TYW1: variants seen among roughly 807,000 people sequenced by gnomAD.
The protein encoded by TYW1 is S-adenosyl-L-methionine-dependent tRNA 4-demethylwyosine synthase TYW1.
In TYW1, 46 loss-of-function variants were observed where a neutral mutation model predicts 96.2. That is an observed-to-expected ratio of 0.48 (90% confidence interval 0.38 to 0.61). The LOEUF (loss-of-function observed/expected upper bound fraction) is 0.61, where lower values mean the gene tolerates loss of function less well. TYW1 is among the 20% of genes least tolerant of loss of function. The pLI is 0.00. For synonymous variants in TYW1, 274 were observed against 323.0 expected (o/e 0.85, Z 1.63); for missense variants, 684 against 909.6 (o/e 0.75, Z 3.19).
At chr7:67,070,097 G>T (rs13309258) in intron 10 of TYW1, among the ~76,000 whole-genome samples, 1 of 152,168 alleles carries the variant, frequency 6.6e-6, no homozygotes, top group Non-Finnish European at 1.5e-5. Flanking sequence ...GAAATTGGCT[G>T]TTAATTTTAC....
At chr7:67,124,142 A>C (rs1797845542) in intron 13 of TYW1, among the ~76,000 whole-genome samples, 3 of 152,234 alleles carry the variant, frequency 2.0e-5, no homozygotes, top group African/African-American at 7.2e-5. Context: ...AAAGGTAAAC[A>C]GTTACTATAC....
chr7:67,012,857 T>C (rs367866316), intron 4 of TYW1, among the ~76,000 whole-genome samples: 2 of 151,668 alleles, frequency 1.3e-5, no homozygotes, highest in Non-Finnish European at 1.5e-5. Flanking sequence ...AGACTTGATA[T>C]ATCCCCAAGG....
intron 15 of TYW1, among the ~76,000 whole-genome samples, chr7:67,235,924 G>A (rs1801872864): frequency 7.1e-6 from 1 of 141,204 alleles, no homozygotes; most frequent in Non-Finnish European, 1.5e-5. Flanking sequence ...AAAGAGGTGA[G>A]GAAGAAAGAC....
chr7:67,182,962 A>G (rs1799885900), intron 13 of TYW1, among the ~76,000 whole-genome samples, 164 bp from the exon 14 acceptor site: 1 of 151,484 alleles, frequency 6.6e-6, no homozygotes, highest in Non-Finnish European at 1.5e-5. Flanking sequence ...CATAGTGTTT[A>G]TTTTTGTTTC....
intron 13 of TYW1, among the ~76,000 whole-genome samples, chr7:67,127,884 T>G (rs1412662411): frequency 6.6e-6 from 1 of 152,168 alleles, no homozygotes; most frequent in African/African-American, 2.4e-5. Context: ...GCCGTCTCCT[T>G]GCTTGCATGC....
chr7:67,069,896 C>T (rs1562995571), intron 10 of TYW1, among the ~76,000 whole-genome samples: 1 of 152,160 alleles, frequency 6.6e-6, no homozygotes, highest in Non-Finnish European at 1.5e-5. Flanking sequence ...GAAGGACTCC[C>T]TTTAGTATTT....
intron 3 of TYW1, among the ~76,000 whole-genome samples, chr7:67,007,049 TAG>T (rs1793621473): frequency 1.4e-5 from 2 of 137,984 alleles, no homozygotes; most frequent in African/African-American, 5.5e-5. Context: ...GGTAGGAAAG[TAG>T]AGTCTGGAGA....
chr7:67,007,029 G>A (rs550037020), intron 3 of TYW1, among the ~76,000 whole-genome samples: 124 of 144,398 alleles, frequency 8.6e-4, no homozygotes, highest in Non-Finnish European at 1.4e-3. Flanking sequence ...AGGGGAGGGC[G>A]GCAAGCTGAG....
chr7:67,105,375 G>C (rs752225196), intron 12 of TYW1, among the ~76,000 whole-genome samples: 9 of 152,222 alleles, frequency 5.9e-5, no homozygotes, highest in Non-Finnish European at 1.3e-4. Context: ...GAATAGCCCA[G>C]ATGATATGCA....
chr7:67,055,759 TG>T, intron 8 of TYW1, 75 bp from the exon 9 acceptor site: 1 of 1,288,774 alleles, frequency 7.8e-7, no homozygotes, highest in Non-Finnish European at 1.1e-6. Flanking sequence ...AAAAAATTTT[TG>T]CTAAATTTTA....
At chr7:67,063,706 T>C (rs3962046) in intron 9 of TYW1, among the ~76,000 whole-genome samples, 3 of 151,994 alleles carry the variant, frequency 2.0e-5, no homozygotes, top group Admixed American at 6.6e-5. Context: ...CAGGTTCCCG[T>C]CATTCTCCTG....
At chr7:67,003,655 G>A (rs1793475562) in intron 3 of TYW1, among the ~76,000 whole-genome samples, 1 of 152,122 alleles carries the variant, frequency 6.6e-6, no homozygotes, top group Non-Finnish European at 1.5e-5. Context: ...TGAAGTTGCT[G>A]GGCAGATGTC....
chr7:67,004,001 GCCACTGCACT>G (rs1298480338), intron 3 of TYW1, among the ~76,000 whole-genome samples: 1 of 151,830 alleles, frequency 6.6e-6, no homozygotes, highest in African/African-American at 2.4e-5. Context: ...CCAAGATGGC[GCCACTGCACT>G]CCAGTCTGGG....
chr7:67,069,233 A>C (rs1262139410), intron 10 of TYW1, among the ~76,000 whole-genome samples: 2 of 152,172 alleles, frequency 1.3e-5, no homozygotes, highest in Admixed American at 1.3e-4. Flanking sequence ...AATGGGATTG[A>C]CTATTTTGAA....
chr7:67,093,322 G>T (rs1002064581), intron 11 of TYW1, among the ~76,000 whole-genome samples: 2 of 152,206 alleles, frequency 1.3e-5, no homozygotes, highest in African/African-American at 4.8e-5. Flanking sequence ...GTATGTGTGT[G>T]TGTAAAATCT....
chr7:67,040,142 A>C (rs1794969020), intron 7 of TYW1, among the ~76,000 whole-genome samples: 4 of 148,362 alleles, frequency 2.7e-5, no homozygotes, highest in Non-Finnish European at 4.5e-5. Flanking sequence ...TTTTTTGTAG[A>C]GATGGGGTTT....
At position 67,195,153 on chromosome 7, in the gene TYW1, T is replaced by C; in HGVS notation, c.1810-17T>C. The stretch of plus-strand genomic sequence containing the variant: ...GTAGGTCTGTAGTCATCTCTGATGG[T>C]TATACTGTTTCCACAGGGCGTTACC... On this transcript the variant is annotated splice_polypyrimidine_tract_variant and intron_variant, in intron 14 of 15. Coordinates refer to ENST00000359626, the MANE Select transcript of TYW1 (RefSeq NM_018264.4). 1.2e-6 allele frequency: 2 copies of C among 1,612,994 alleles called. No homozygotes were observed.
intron 3 of TYW1, among the ~76,000 whole-genome samples, chr7:66,999,757 A>T (rs1231556775): frequency 6.6e-6 from 1 of 152,160 alleles, no homozygotes; most frequent in Non-Finnish European, 1.5e-5. Context: ...TAGTTGAAAG[A>T]TGCTTCCCAT....
At chr7:67,207,629 G>A (rs1800848074) in intron 15 of TYW1, among the ~76,000 whole-genome samples, 1 of 147,374 alleles carries the variant, frequency 6.8e-6, no homozygotes, top group South Asian at 2.2e-4. Flanking sequence ...GTAGAACATT[G>A]AAAATTCCCC....
Sources: gnomAD v4.1 joint callset for allele counts (sites outside exome capture counted in the v4.1 genomes callset) on GRCh38, gnomAD v4.1.1 for gene constraint, MANE v1.5 for transcripts, NCBI Gene and HGNC (gene_info 2026-07-23, HGNC 2026-07-21) for gene names.